CRYBG1: variants seen among roughly 807,000 people sequenced by gnomAD.
CRYBG1 encodes crystallin beta-gamma domain containing 1, also known as beta/gamma crystallin domain-containing protein 1.
CRYBG1 carries 139 observed loss-of-function variants against 189.2 expected under a neutral mutation model. The observed-to-expected ratio is 0.73, with a 90% confidence interval of 0.64 to 0.85. The LOEUF (loss-of-function observed/expected upper bound fraction) is 0.85, where lower values mean the gene tolerates loss of function less well. Among genes scored for constraint, CRYBG1 ranks in the 40% least tolerant of loss-of-function variants. CRYBG1 has a pLI of 0.00. For missense variants in CRYBG1, 2,611 were observed against 2,675.8 expected (o/e 0.98, Z 0.53); for synonymous variants, 1,023 against 1,017.1 (o/e 1.01, Z -0.11).
At chr6:106,497,087 A>G (rs1428694074) in intron 2 of CRYBG1, among the ~76,000 whole-genome samples, 2 of 152,174 alleles carry the variant, frequency 1.3e-5, no homozygotes, top group Non-Finnish European at 2.9e-5. Flanking sequence ...CAAAACCGAA[A>G]GAGCAGGAAA....
intron 1 of CRYBG1, among the ~76,000 whole-genome samples, chr6:106,417,769 T>C (rs919961134): frequency 6.6e-6 from 1 of 152,056 alleles, no homozygotes; most frequent in African/African-American, 2.4e-5. Flanking sequence ...AACACAGGAG[T>C]AAGCTCCATG....
At chr6:106,436,179 A>G (rs955257474) in intron 1 of CRYBG1, among the ~76,000 whole-genome samples, 106 of 96,898 alleles carry the variant, frequency 1.1e-3, no homozygotes, top group Non-Finnish European at 1.8e-3. Flanking sequence ...ATTTCGGAAA[A>G]TACAGAAAGA....
At chr6:106,454,140 C>T (rs776464251) in intron 2 of CRYBG1, among the ~76,000 whole-genome samples, 12 of 152,158 alleles carry the variant, frequency 7.9e-5, no homozygotes, top group Non-Finnish European at 1.8e-4. Context: ...CTCCCCATCT[C>T]CATCATCCCT....
In CRYBG1 at chr6:106,520,219, C is replaced by T; in HGVS notation, c.3011C>T (p.Pro1004Leu). ...PEVVSVASCA[P>L]PQEEVLGNEH... ...GTGGTTTCCGTTGCAAGTTGTGCTC[C>T]CCCACAAGAGGAAGTACTGGGCAAT... The change falls in exon 4 of 22, where the codon CCC becomes CTC. Residue 1004 changes from proline to leucine, a missense_variant. Coordinates refer to ENST00000633556, the MANE Select transcript of CRYBG1 (RefSeq NM_001371242.2). 6.2e-7 allele frequency: 1 copy of T among 1,614,052 alleles called. No homozygotes were observed. The highest frequency in any genetic ancestry group is 8.5e-7 in the Non-Finnish European group (1 of 1,180,012).
intron 1 of CRYBG1, among the ~76,000 whole-genome samples, chr6:106,399,942 G>A (rs946286811): frequency 1.3e-5 from 2 of 151,888 alleles, no homozygotes; most frequent in African/African-American, 4.8e-5. Flanking sequence ...TTTGAGACCA[G>A]CCTGACCAAC....
Position 106,512,786 on chromosome 6 carries a change from G to T in CRYBG1, c.1669G>T (p.Ala557Ser), listed in dbSNP as rs760700168. 2 of 1,581,566 alleles carry T rather than the reference G, an allele frequency of 1.3e-6. No homozygotes were observed. The highest frequency in any genetic ancestry group is 1.7e-6 in the Non-Finnish European group (2 of 1,163,558). The change falls in exon 3 of 22, where the codon GCC (alanine) becomes TCC (serine). Residue 557 changes from alanine (A) to serine (S), a missense_variant. Transcript: ENST00000633556. ...DPSPVTKGTA[A>S]ESGEEAARAI... ...CAGCCCAGTCACCAAGGGCACTGCGGCCGAGAGCGGGGAGGAGGCGGCGCG... is the reference window on the plus strand; with the variant it reads ...CAGCCCAGTCACCAAGGGCACTGCGTCCGAGAGCGGGGAGGAGGCGGCGCG...
At position 106,521,230 on chromosome 6, in the gene CRYBG1, A is replaced by G; in HGVS notation, c.4022A>G (p.Glu1341Gly). 6.2e-7 allele frequency: 1 copy of G among 1,614,076 alleles called. No homozygotes were observed. The highest frequency in any genetic ancestry group is 8.5e-7 in the Non-Finnish European group (1 of 1,179,994). ...TACCCGCAAAAAGAGAAAACCAAAG[A>G]AGATCTGGATTCACGAAGCAACCTA... ...EKYPQKEKTK[E>G]DLDSRSNLHL... The change falls in exon 4 of 22, where the codon GAA becomes GGA. Residue 1341 changes from glutamate to glycine, a missense_variant. By Grantham distance (98) the Glu-to-Gly change is moderately conservative (BLOSUM62 -2). Coordinates refer to ENST00000633556, the MANE Select transcript of CRYBG1 (RefSeq NM_001371242.2).
chr6:106,454,457 A>C (rs751986518), intron 2 of CRYBG1, among the ~76,000 whole-genome samples: 5 of 152,164 alleles, frequency 3.3e-5, no homozygotes, highest in Admixed American at 6.5e-5. Flanking sequence ...ATTCACAGTG[A>C]GTTCTAGGGT....
Position 106,558,451 on chromosome 6 carries a change from A to G in CRYBG1, c.5716-35A>G, listed in dbSNP as rs750838842. 29 of 1,490,828 alleles carry G rather than the reference A, an allele frequency of 1.9e-5. No individual in the cohort carries two copies. In the South Asian group the frequency reaches 3.6e-4, roughly 19 times the overall value. 92.3% of individuals were successfully genotyped at this position (1,490,828 alleles called of 1,614,324 possible). A position where few individuals can be genotyped will look rare whatever the true frequency, so the allele number is the denominator to read the frequency against. ...ACATAAGTTTGAATTATTAACAAAG[A>G]TGAATAACAGAACATTGTTTTTGTT... On this transcript the variant is annotated intron_variant, in intron 17 of 21. Coordinates refer to ENST00000633556, the MANE Select transcript of CRYBG1 (RefSeq NM_001371242.2).
chr6:106,522,361 C>A (rs548117144), intron 4 of CRYBG1, among the ~76,000 whole-genome samples: 1 of 151,750 alleles, frequency 6.6e-6, no homozygotes, highest in Non-Finnish European at 1.5e-5. Context: ...TTTTTTTTAC[C>A]CTGCAAAGCT....
chr6:106,437,465 A>G (rs1441407009), intron 1 of CRYBG1, among the ~76,000 whole-genome samples: 1 of 151,782 alleles, frequency 6.6e-6, no homozygotes, highest in East Asian at 1.9e-4. Context: ...ATAGCATCTC[A>G]CTCTGTCACC....
Position 106,511,873 on chromosome 6 carries a change from CAAGCAGCTGCA to C in CRYBG1, c.757_767del (p.Lys253PhefsTer58), listed in dbSNP as rs1415033876. The C allele has an allele frequency of 1.3e-6, 2 of 1,518,694 alleles. No individual in the cohort carries two copies. 94.1% of individuals were successfully genotyped at this position (1,518,694 alleles called of 1,614,324 possible). A position where few individuals can be genotyped will look rare whatever the true frequency, so the allele number is the denominator to read the frequency against. On this transcript the variant is annotated frameshift_variant, in exon 3 of 22. Transcript: ENST00000633556. LOFTEE classifies it high-confidence loss of function. Reference sequence around the variant, plus strand: ...CTTTCCCAGATGCCACCACCACTGCCAAGCAGCTGCATTCCTCGCCGGGAAATTCCTCCAGG... The same window carrying C: ...CTTTCCCAGATGCCACCACCACTGCCTTCCTCGCCGGGAAATTCCTCCAGG...
intron 2 of CRYBG1, among the ~76,000 whole-genome samples, chr6:106,464,276 C>A (rs368809506): frequency 9.2e-5 from 14 of 152,276 alleles, no homozygotes; most frequent in East Asian, 5.8e-4. Flanking sequence ...GGGCGGATCA[C>A]AAGGTCAGGA....
chr6:106,487,303 A>G (rs1268191631), intron 2 of CRYBG1, among the ~76,000 whole-genome samples: 35 of 152,154 alleles, frequency 2.3e-4, no homozygotes, highest in Admixed American at 2.2e-3. Flanking sequence ...TTTAAATTGA[A>G]GAATTTACAT....
In CRYBG1 at chr6:106,489,597, T is replaced by C. The variant is rs189724640; in HGVS notation, c.313-21833T>C. ...ACTTTGGGAGGCCGAGGAGGGTGGA[T>C]CACCTGAGGTCAGGAGTTTGAGACC... On this transcript the variant is annotated intron_variant, in intron 2 of 21. Transcript: ENST00000633556. Among the ~76,000 whole-genome samples, 241 of 151,102 alleles carry C rather than the reference T, an allele frequency of 1.6e-3. 2 individuals are homozygous for C. Among genetic ancestry groups the C allele is most frequent in the Non-Finnish European group, 2.6e-3 (176 of 67,834 alleles).
At chr6:106,561,318 A>G in intron 19 of CRYBG1, 24 bp from the exon 20 acceptor site, 2 of 1,610,466 alleles carry the variant, frequency 1.2e-6, no homozygotes, top group Admixed American at 1.7e-5. Flanking sequence ...TGGTATAACA[A>G]CTGCTGGGGG....
intron 2 of CRYBG1, among the ~76,000 whole-genome samples, chr6:106,492,665 AT>A (rs1202247521): frequency 2.0e-5 from 3 of 152,196 alleles, no homozygotes; most frequent in African/African-American, 7.2e-5. Flanking sequence ...CCATCCATAT[AT>A]GGTAGTTATT....
At chr6:106,428,971 T>C (rs1380652942) in intron 1 of CRYBG1, among the ~76,000 whole-genome samples, 1 of 152,240 alleles carries the variant, frequency 6.6e-6, no homozygotes, top group East Asian at 1.9e-4. Flanking sequence ...AAATTGCTCA[T>C]TGAAGTTCTA....
chr6:106,401,139 T>C (rs1319631217), intron 1 of CRYBG1, among the ~76,000 whole-genome samples: 2 of 152,210 alleles, frequency 1.3e-5, no homozygotes, highest in African/African-American at 2.4e-5. Flanking sequence ...ATTGTCATTC[T>C]TCTTGATACT....
Sources: gnomAD v4.1 joint callset for allele counts (sites outside exome capture counted in the v4.1 genomes callset) on GRCh38, gnomAD v4.1.1 for gene constraint, MANE v1.5 for transcripts, NCBI Gene and HGNC (gene_info 2026-07-23, HGNC 2026-07-21) for gene names.